The following NT5C2 variants were observed in gnomAD, a reference collection of about 807,000 sequenced individuals.
NT5C2 encodes the protein cytosolic purine 5'-nucleotidase.
NT5C2 carries 58 observed loss-of-function variants against 76.1 expected under a neutral mutation model. The observed-to-expected ratio is 0.76, with a 90% CI of 0.62 to 0.95. The LOEUF (loss-of-function observed/expected upper bound fraction) is 0.95, where lower values mean the gene tolerates loss of function less well. Among genes scored for constraint, NT5C2 ranks in the 40% least tolerant of loss-of-function variants. The probability of loss-of-function intolerance (pLI) is 0.00; values close to 1 mark genes in which losing one functional copy is unlikely to be tolerated. For missense variants in NT5C2, 478 were observed against 690.3 expected, an observed-to-expected ratio of 0.69 and a Z score of 3.45; for synonymous variants, 229 against 237.4, an observed-to-expected ratio of 0.96 and a Z score of 0.32.
At chr10:103,129,878 G>A (rs2077707512) in intron 4 of NT5C2, among the ~76,000 whole-genome samples, 1 of 76,018 alleles carries the variant, frequency 1.3e-5, no homozygotes, top group Non-Finnish European at 2.5e-5. Flanking sequence ...CGGGAGGGAG[G>A]TGGGGGTGTC....
intron 3 of NT5C2, among the ~76,000 whole-genome samples, chr10:103,159,043 A>C (rs1360700736): frequency 6.6e-6 from 1 of 152,174 alleles, no homozygotes; most frequent in Non-Finnish European, 1.5e-5. Context: ...GAGATCTATC[A>C]GTAGTAAGGA....
intron 9 of NT5C2, 152 bp downstream of exon 9, chr10:103,099,774 C>G: frequency 2.0e-6 from 1 of 492,806 alleles, no homozygotes; most frequent in Non-Finnish European, 3.6e-6. Flanking sequence ...AAGACAAGAA[C>G]AAATGTATTC....
chr10:103,142,477 C>A (rs755620463), intron 3 of NT5C2, among the ~76,000 whole-genome samples: 23 of 151,952 alleles, frequency 1.5e-4, no homozygotes, highest in Non-Finnish European at 2.2e-4. Context: ...TCGAAACCAG[C>A]CTAGGCAACA....
chr10:103,149,386 T>C (rs2082036055), intron 3 of NT5C2, among the ~76,000 whole-genome samples: 1 of 152,190 alleles, frequency 6.6e-6, no homozygotes, highest in Non-Finnish European at 1.5e-5. Flanking sequence ...ACATTAAAAT[T>C]CCCTTCACCT....
chr10:103,166,188 T>A (rs2086334884), intron 3 of NT5C2, among the ~76,000 whole-genome samples: 1 of 152,228 alleles, frequency 6.6e-6, no homozygotes, highest in Non-Finnish European at 1.5e-5. Context: ...ATGCACTCTG[T>A]GTATGTGTAG....
At chr10:103,153,243 C>G in intron 3 of NT5C2, 1 of 1,224,982 alleles carries the variant, frequency 8.2e-7, no homozygotes, top group South Asian at 1.3e-5. Context: ...GCAGATGATA[C>G]CTCTTCACTG....
chr10:103,136,228 A>C (rs2079200673), intron 4 of NT5C2, among the ~76,000 whole-genome samples: 1 of 152,270 alleles, frequency 6.6e-6, no homozygotes, highest in African/African-American at 2.4e-5. Context: ...GATCATTTTA[A>C]CATTATATGC....
intron 4 of NT5C2, among the ~76,000 whole-genome samples, chr10:103,118,795 C>A (rs2075002371): frequency 6.6e-6 from 1 of 151,406 alleles, no homozygotes; most frequent in Non-Finnish European, 1.5e-5. Flanking sequence ...CCACAATTAT[C>A]TTTTTTGTTT....
chr10:103,129,787 G>T (rs1358762852), intron 4 of NT5C2, among the ~76,000 whole-genome samples: 1 of 108,594 alleles, frequency 9.2e-6, no homozygotes. Flanking sequence ...CAGCCGCCCC[G>T]TCCGGGAGGT....
chr10:103,177,640 G>A (rs1215429647), intron 2 of NT5C2, among the ~76,000 whole-genome samples: 3 of 152,052 alleles, frequency 2.0e-5, no homozygotes, highest in Non-Finnish European at 4.4e-5. Flanking sequence ...TTCCACCTCA[G>A]GCTCCAGAAC....
rs139810712 is a variant in NT5C2, at chr10:103,097,555, T to A, written c.688-181A>T. On this transcript the variant is annotated intron_variant, in intron 10 of 18. Transcript: ENST00000404739. ...ACTATAAATGAATAAAGTATTAACATATGTAGTATACACAGTGTATGTAAT... is the reference window on the plus strand; with the variant it reads ...ACTATAAATGAATAAAGTATTAACAAATGTAGTATACACAGTGTATGTAAT... 1.3e-3 allele frequency among the ~76,000 whole-genome samples: 194 copies of A among 152,372 alleles called. 1 individual carries two copies. Among genetic ancestry groups the A allele is most frequent in the African/African-American group, 4.5e-3 (187 of 41,586 alleles).
At chr10:103,153,305 T>C in intron 3 of NT5C2, 1 of 1,281,666 alleles carries the variant, frequency 7.8e-7, no homozygotes, top group Non-Finnish European at 1.0e-6. Context: ...CCTTAGACAT[T>C]CTCAAAGATC....
rs551752895 is a variant in NT5C2 at position 103,188,268 on chromosome 10, G to A, written c.-169+4968C>T. Among the ~76,000 whole-genome samples the A allele has an allele frequency of 3.0e-4, 45 of 152,184 alleles. No individual in the cohort carries two copies. In the East Asian group the frequency reaches 3.1e-3, roughly 10 times the overall value. On this transcript the variant is annotated intron_variant, in intron 1 of 18. Coordinates refer to ENST00000404739, the MANE Select transcript of NT5C2 (RefSeq NM_001351169.2). Reference sequence around the variant, plus strand: ...AGCTACTCGGGAGGCTGAGCCAGACGAATCACTTGAACCCAGGAGGTGGAA... The same window carrying A: ...AGCTACTCGGGAGGCTGAGCCAGACAAATCACTTGAACCCAGGAGGTGGAA...
chr10:103,192,888 G>T (rs1349023991), intron 1 of NT5C2, among the ~76,000 whole-genome samples: 1 of 152,206 alleles, frequency 6.6e-6, no homozygotes, highest in African/African-American at 2.4e-5. Flanking sequence ...GGCGGAACGC[G>T]GCGAACGGCC....
At chr10:103,183,336 T>C (rs1425507203) in intron 1 of NT5C2, among the ~76,000 whole-genome samples, 1 of 15,368 alleles carries the variant, frequency 6.5e-5, no homozygotes, top group Non-Finnish European at 1.2e-4. Context: ...ATTATTAGCT[T>C]TTTTTTTTTT....
chr10:103,139,205 TGTACAAACTCATGAGCCACATCTCAAG>T (rs1205367740), intron 4 of NT5C2, among the ~76,000 whole-genome samples, 174 bp downstream of exon 4: 1 of 152,160 alleles, frequency 6.6e-6, no homozygotes, highest in Non-Finnish European at 1.5e-5. Context: ...TCTATCTATG[TGTACAAACTCATGAGCCACATCTCAAG>T]GATATCTGAT....
At chr10:103,185,182 A>C (rs1040465625) in intron 1 of NT5C2, among the ~76,000 whole-genome samples, 5 of 152,312 alleles carry the variant, frequency 3.3e-5, no homozygotes, top group African/African-American at 1.2e-4. Context: ...ACAAGAGAGC[A>C]TGTAAGGAAA....
chr10:103,156,339 A>G (rs1296460472), intron 3 of NT5C2, among the ~76,000 whole-genome samples: 2 of 152,254 alleles, frequency 1.3e-5, no homozygotes, highest in Admixed American at 6.5e-5. Context: ...GTGTGCTTAA[A>G]TAAGACACTA....
chr10:103,189,175 C>G (rs2135503990), intron 1 of NT5C2, among the ~76,000 whole-genome samples: 1 of 151,778 alleles, frequency 6.6e-6, no homozygotes, highest in Non-Finnish European at 1.5e-5. Context: ...TTTTTATAGG[C>G]TCATTAGTTT....
Sources: gnomAD v4.1 joint callset for allele counts (sites outside exome capture counted in the v4.1 genomes callset) on GRCh38, gnomAD v4.1.1 for gene constraint, MANE v1.5 for transcripts, NCBI Gene and HGNC (gene_info 2026-07-23, HGNC 2026-07-21) for gene names.